The following TEC variants were observed in gnomAD, a reference collection of about 807,000 sequenced individuals.
The protein encoded by TEC is tyrosine-protein kinase Tec.
In TEC, 72 loss-of-function variants were observed where a neutral mutation model predicts 93.0. The ratio of observed to expected loss-of-function variants is 0.77; its 90% confidence interval spans 0.64 to 0.94. The LOEUF is 0.94. Ranked by LOEUF, TEC falls within the 40% of genes least tolerant of loss-of-function variation. The pLI is 0.00. For synonymous variants in TEC, 249 were observed against 247.7 expected (o/e 1.01, Z -0.05); for missense variants, 630 against 757.9 (o/e 0.83, Z 1.98).
chr4:48,139,846 T>A (rs1205870087), intron 15 of TEC, among the ~76,000 whole-genome samples: 1 of 152,214 alleles, frequency 6.6e-6, no homozygotes. Flanking sequence ...TGCACAAACA[T>A]CCTTTGCTAT....
chr4:48,228,705 T>A, intron 1 of TEC, 46 bp from the exon 2 acceptor site: 1 of 1,482,146 alleles, frequency 6.7e-7, no homozygotes, highest in Admixed American at 2.3e-5. Flanking sequence ...TTTAATTTTC[T>A]ATGGATGTTG....
chr4:48,181,174 C>G (rs1041260445), intron 2 of TEC, among the ~76,000 whole-genome samples: 6 of 152,032 alleles, frequency 3.9e-5, no homozygotes, highest in African/African-American at 1.4e-4. Flanking sequence ...ATTGAACAAC[C>G]AGGTGAAAGT....
chr4:48,226,043 G>A (rs73140503), intron 2 of TEC, among the ~76,000 whole-genome samples: 6,819 of 152,124 alleles, frequency 0.045, 539 homozygotes, highest in African/African-American at 0.16. Flanking sequence ...CTGCTCCAAG[G>A]CAAGATGGTG....
Position 48,149,671 on chromosome 4 carries a change from TA to T in TEC, c.891del (p.Phe297LeufsTer6). ...GTTGTTTCCTTTATATGATAATGCC[TA>T]AAACCCGATGAACCTTCTCTAGAAC... Reference protein sequence around the residue: ...TKFGGEGSSGFRHYHIKETTT... With the variant: ...TKFGGEGSSGXRHYHIKETTT... On this transcript the variant is annotated frameshift_variant, in exon 11 of 18. Coordinates refer to ENST00000381501, the MANE Select transcript of TEC (RefSeq NM_003215.3). LOFTEE classifies it high-confidence loss of function. 1 of 1,607,550 alleles carries T rather than the reference TA, an allele frequency of 6.2e-7. No individual in the cohort carries two copies. The highest frequency in any genetic ancestry group is 8.5e-7 in the Non-Finnish European group (1 of 1,178,198).
chr4:48,221,381 C>T (rs1465693392), intron 2 of TEC, among the ~76,000 whole-genome samples: 1 of 152,150 alleles, frequency 6.6e-6, no homozygotes, highest in Non-Finnish European at 1.5e-5. Flanking sequence ...TTATAAGGGG[C>T]TTTTCCCGCT....
At chr4:48,251,715 G>A (rs1724206141) in intron 1 of TEC, among the ~76,000 whole-genome samples, 1 of 152,164 alleles carries the variant, frequency 6.6e-6, no homozygotes, top group African/African-American at 2.4e-5. Context: ...GTGGAAGAAT[G>A]TAAGAGAAAT....
chr4:48,146,847 A>G lies in TEC; in HGVS notation c.1007-448T>C, dbSNP rs151241588. 1.5e-3 allele frequency among the ~76,000 whole-genome samples: 229 copies of G among 151,948 alleles called. 1 individual carries two copies. Among genetic ancestry groups the G allele is most frequent in the African/African-American group, 5.4e-3 (222 of 41,424 alleles). On this transcript the variant is annotated intron_variant, in intron 11 of 17. Transcript: ENST00000381501. ...GTGTGGATCTTTTAACCCAAGTCGC[A>G]TACAGCACTAAATAAGAAACAGGAG... is the stretch of plus-strand genomic sequence containing the variant.
chr4:48,234,770 G>A (rs1021068088), intron 1 of TEC, among the ~76,000 whole-genome samples: 1 of 152,206 alleles, frequency 6.6e-6, no homozygotes, highest in African/African-American at 2.4e-5. Context: ...GGGTGGGGGA[G>A]TACTTTATGA....
rs1370101961 is a variant in TEC at position 48,136,001 on chromosome 4, G to A, written c.*1415C>T. The A allele has an allele frequency of 6.6e-6, 1 of 152,232 alleles. No homozygotes were observed. Among genetic ancestry groups the A allele is most frequent in the African/African-American group, 2.4e-5 (1 of 41,448 alleles). 9.4% of individuals were successfully genotyped at this position (152,232 alleles called of 1,614,324 possible). On this transcript the variant is annotated 3_prime_UTR_variant, in exon 18 of 18. Coordinates refer to ENST00000381501, the MANE Select transcript of TEC (RefSeq NM_003215.3). ...GCAGACCATCGTGGCCTGCAGAGGA[G>A]ACGCAACTCCTGAAGGGAAGGCGCT...
At chr4:48,251,702 C>G (rs1724205457) in intron 1 of TEC, among the ~76,000 whole-genome samples, 1 of 151,792 alleles carries the variant, frequency 6.6e-6, no homozygotes, top group Non-Finnish European at 1.5e-5. Context: ...AAGGAGTATG[C>G]AAGTGGAAGA....
intron 6 of TEC, 66 bp from the exon 7 acceptor site, chr4:48,168,019 C>A: frequency 7.0e-7 from 1 of 1,424,246 alleles, no homozygotes; most frequent in Non-Finnish European, 9.8e-7. Flanking sequence ...AATCAAAACA[C>A]TAAATGAGTC....
intron 2 of TEC, among the ~76,000 whole-genome samples, chr4:48,207,645 G>A (rs1009726999): frequency 1.0e-4 from 15 of 146,754 alleles, no homozygotes; most frequent in East Asian, 2.0e-4. Context: ...AAAATTAGCC[G>A]TGCGTGGTGG....
chr4:48,226,505 T>C (rs911385195), intron 2 of TEC, among the ~76,000 whole-genome samples: 5 of 152,202 alleles, frequency 3.3e-5, no homozygotes, highest in African/African-American at 9.7e-5. Flanking sequence ...GAAGAAGACC[T>C]GTATGATGAT....
At chr4:48,203,546 G>T (rs1722603533) in intron 2 of TEC, among the ~76,000 whole-genome samples, 1 of 152,044 alleles carries the variant, frequency 6.6e-6, no homozygotes, top group Non-Finnish European at 1.5e-5. Context: ...CAACATGATG[G>T]TCCCCATGTG....
intron 1 of TEC, among the ~76,000 whole-genome samples, chr4:48,248,560 G>A (rs1036092241): frequency 1.3e-5 from 2 of 152,244 alleles, no homozygotes; most frequent in African/African-American, 4.8e-5. Flanking sequence ...AATGATGCAG[G>A]CCTTTTTGCA....
At chr4:48,218,025 A>G (rs1257945378) in intron 2 of TEC, among the ~76,000 whole-genome samples, 2 of 152,160 alleles carry the variant, frequency 1.3e-5, no homozygotes. Flanking sequence ...AGGAGTAAGT[A>G]AGACCCTTGG....
chr4:48,254,533 G>A (rs1415242001), intron 1 of TEC, among the ~76,000 whole-genome samples: 1 of 152,234 alleles, frequency 6.6e-6, no homozygotes, highest in Non-Finnish European at 1.5e-5. Flanking sequence ...AAAATCATAG[G>A]AGGCTTGAGA....
intron 2 of TEC, among the ~76,000 whole-genome samples, chr4:48,222,121 A>C (rs1021525557): frequency 6.6e-6 from 1 of 152,326 alleles, no homozygotes; most frequent in Admixed American, 6.5e-5. Flanking sequence ...GGCACTCAAC[A>C]AATTTTTGAA....
chr4:48,239,180 A>C (rs1723863984), intron 1 of TEC, among the ~76,000 whole-genome samples: 1 of 152,220 alleles, frequency 6.6e-6, no homozygotes, highest in East Asian at 1.9e-4. Context: ...CACACGTAAA[A>C]GAAGTCAAAA....
Sources: gnomAD v4.1 joint callset for allele counts (sites outside exome capture counted in the v4.1 genomes callset) on GRCh38, gnomAD v4.1.1 for gene constraint, MANE v1.5 for transcripts, NCBI Gene and HGNC (gene_info 2026-07-23, HGNC 2026-07-21) for gene names.